AFM: variants seen among roughly 807,000 people sequenced by gnomAD.
AFM encodes alpha-Alb.
In AFM, 82 loss-of-function variants were observed where a neutral mutation model predicts 68.7. The ratio of observed to expected loss-of-function variants is 1.19; its 90% CI spans 1.00 to 1.43. The LOEUF (loss-of-function observed/expected upper bound fraction) is 1.43. AFM is among the 40% of genes most tolerant of loss of function. AFM has a pLI of 0.00. For synonymous variants in AFM, 250 were observed against 234.2 expected (o/e 1.07, Z -0.61); for missense variants, 772 against 701.8 (o/e 1.10, Z -1.13).
At chr4:73,499,348 A>G (rs1721355279) in intron 11 of AFM, 102 bp downstream of exon 11, 1 of 1,200,872 alleles carries the variant, frequency 8.3e-7, no homozygotes, top group Admixed American at 3.7e-5. Context: ...TCCTTTCTTC[A>G]CTGTTTTAAT....
intron 1 of AFM, among the ~76,000 whole-genome samples, chr4:73,483,352 ATTG>A (rs1334615217): frequency 1.3e-5 from 2 of 152,236 alleles, no homozygotes; most frequent in Admixed American, 6.5e-5. Flanking sequence ...TATTTTAGTC[ATTG>A]TTGATTGCTT....
chr4:73,495,049 C>T (rs1267278213), intron 8 of AFM: 2 of 276,312 alleles, frequency 7.2e-6, no homozygotes, highest in Non-Finnish European at 1.3e-5. Context: ...ATAATTAGTT[C>T]CAAATAATTC....
intron 8 of AFM, among the ~76,000 whole-genome samples, chr4:73,493,171 G>A (rs1283404847): frequency 1.3e-5 from 2 of 152,174 alleles, no homozygotes; most frequent in Admixed American, 6.5e-5. Flanking sequence ...GGCATCTGCA[G>A]CGAGAGACCA....
At position 73,483,921 on chromosome 4, in the gene AFM, T is replaced by C. The variant is rs759815425; in HGVS notation, c.89-20T>C. The C allele has an allele frequency of 1.3e-6, 2 of 1,510,566 alleles. No individual in the cohort carries two copies. The highest frequency in any genetic ancestry group is 2.8e-5 in the African/African-American group (2 of 71,556). The allele number at this position is 1,510,566 out of a possible 1,614,324, so 93.6% of individuals were successfully genotyped here. On this transcript the variant is annotated intron_variant, in intron 1 of 14. Transcript: ENST00000226355. ...TAGAAAACCATGCTATGTAATAACC[T>C]AAATATTCTTGCTTTTCAGAGAACT...
Position 73,499,990 on chromosome 4 carries a change from T to A in AFM, c.1423-14T>A. 10 of 1,609,380 alleles carry A rather than the reference T, an allele frequency of 6.2e-6. No homozygotes were observed. Among genetic ancestry groups the A allele is most frequent in the Non-Finnish European group, 8.5e-6 (10 of 1,176,256 alleles). ...TTTAAGATCGTATCTCAGTTGCAAC[T>A]CTTGTTGGTACAGGCAGATTTAGTT... is the stretch of plus-strand genomic sequence containing the variant. On this transcript the variant is annotated splice_polypyrimidine_tract_variant and intron_variant, in intron 11 of 14. Coordinates refer to ENST00000226355, the MANE Select transcript of AFM (RefSeq NM_001133.2).
intron 1 of AFM, among the ~76,000 whole-genome samples, chr4:73,482,570 G>A (rs1720744392): frequency 6.6e-6 from 1 of 152,124 alleles, no homozygotes; most frequent in Non-Finnish European, 1.5e-5. Flanking sequence ...AGTGAAGACT[G>A]GTCATTTCTG....
rs1720889371 is a variant in AFM at position 73,485,939 on chromosome 4, GGT to G, written c.349_350del (p.Val117Ter). ...KHNFSHCCSK[V>X]DAQRRLCFFY... ...ATAATTTCTCACACTGCTGCAGTAA[GGT>G]TGATGCTCAAAGAAGACTCTGTTTC... On this transcript the variant is annotated frameshift_variant, in exon 4 of 15. Transcript: ENST00000226355. LOFTEE classifies it high-confidence loss of function. 6.2e-7 allele frequency: 1 copy of G among 1,614,122 alleles called. No individual in the cohort carries two copies. The highest frequency in any genetic ancestry group is 1.3e-5 in the African/African-American group (1 of 75,046).
intron 12 of AFM, among the ~76,000 whole-genome samples, chr4:73,501,512 C>G (rs1431744116): frequency 6.6e-6 from 1 of 151,928 alleles, no homozygotes; most frequent in Non-Finnish European, 1.5e-5. Flanking sequence ...TTTTTGTACT[C>G]CTTGGCCAAC....
At chr4:73,502,536 T>A (rs894300932) in intron 13 of AFM, among the ~76,000 whole-genome samples, 6 of 152,176 alleles carry the variant, frequency 3.9e-5, no homozygotes, top group Non-Finnish European at 5.9e-5. Flanking sequence ...AACCTGTGAA[T>A]GTTAGCCCCA....
intron 12 of AFM, 41 bp downstream of exon 12, chr4:73,500,268 A>G (rs1370672979): frequency 6.6e-7 from 1 of 1,508,476 alleles, no homozygotes; most frequent in East Asian, 2.4e-5. Flanking sequence ...CTTTGGTTTG[A>G]AGACACACCA....
chr4:73,488,518 C>G, intron 6 of AFM, 112 bp from the exon 7 acceptor site: 1 of 882,488 alleles, frequency 1.1e-6, no homozygotes. Context: ...ACAACAACAA[C>G]AGCAATGGTG....
intron 6 of AFM, among the ~76,000 whole-genome samples, chr4:73,488,334 G>C (rs537092434): frequency 1.3e-5 from 2 of 152,108 alleles, no homozygotes; most frequent in Non-Finnish European, 2.9e-5. Flanking sequence ...CTTACAATAG[G>C]AAGTGGTGGC....
At chr4:73,496,993 G>C (rs1417197750) in intron 9 of AFM, among the ~76,000 whole-genome samples, 4 of 152,056 alleles carry the variant, frequency 2.6e-5, no homozygotes, top group Non-Finnish European at 5.9e-5. Flanking sequence ...GAGGTAGTCT[G>C]TTTCTGATCC....
At chr4:73,487,999 T>G (rs926247146) in intron 6 of AFM, among the ~76,000 whole-genome samples, 178 bp downstream of exon 6, 2 of 151,970 alleles carry the variant, frequency 1.3e-5, no homozygotes, top group Non-Finnish European at 2.9e-5. Flanking sequence ...GAGAGAAGTT[T>G]TGGGAGGTGA....
In AFM at chr4:73,497,031, C is replaced by A. The variant is rs116288369; in HGVS notation, c.1192-621C>A. Among the ~76,000 whole-genome samples the A allele has an allele frequency of 3.8e-3, 572 of 152,224 alleles. 4 individuals are homozygous for A. The highest frequency in any genetic ancestry group is 0.013 in the African/African-American group (546 of 41,526). The stretch of plus-strand genomic sequence containing the variant: ...AAATTAATCATAGCGCTAGAAAATT[C>A]TCTCTTTTCATGGAGATACAATTTG... On this transcript the variant is annotated intron_variant, in intron 9 of 14. Transcript: ENST00000226355.
chr4:73,482,154 G>C (rs1358373661), intron 1 of AFM, among the ~76,000 whole-genome samples: 1 of 152,178 alleles, frequency 6.6e-6, no homozygotes, highest in African/African-American at 2.4e-5. Flanking sequence ...TTTAATGTTG[G>C]TATTTCTTGC....
chr4:73,501,012 T>C (rs933980969), intron 12 of AFM, among the ~76,000 whole-genome samples: 1 of 152,144 alleles, frequency 6.6e-6, no homozygotes. Context: ...ACGGGACTTA[T>C]TACATTTTCC....
intron 3 of AFM, 73 bp downstream of exon 3, chr4:73,484,463 TTTCTTTCTTTC>T (rs1281378465): frequency 2.0e-6 from 1 of 512,310 alleles, no homozygotes; most frequent in Non-Finnish European, 3.3e-6. Flanking sequence ...TCTTTCTTTC[TTTCTTTCTTTC>T]TTTCTTTCTT....
intron 9 of AFM, among the ~76,000 whole-genome samples, chr4:73,496,491 AAACATTT>A (rs1420704014): frequency 6.6e-6 from 1 of 152,200 alleles, no homozygotes; most frequent in African/African-American, 2.4e-5. Context: ...GAACTTTAAA[AAACATTT>A]AACACAAATT....
Sources: gnomAD v4.1 joint callset for allele counts (sites outside exome capture counted in the v4.1 genomes callset) on GRCh38, gnomAD v4.1.1 for gene constraint, MANE v1.5 for transcripts, NCBI Gene and HGNC (gene_info 2026-07-23, HGNC 2026-07-21) for gene names.